The following AURKA variants were observed in gnomAD, a reference collection of about 807,000 sequenced individuals.
AURKA encodes aurora 2.
In AURKA, 12 loss-of-function variants were observed where a neutral mutation model predicts 40.9. The observed-to-expected ratio is 0.29, with a 90% confidence interval of 0.19 to 0.48. The LOEUF (loss-of-function observed/expected upper bound fraction) is 0.48. AURKA is among the 20% of genes least tolerant of loss of function. The pLI is 0.99. For synonymous variants in AURKA, 170 were observed against 164.3 expected (o/e 1.03, Z -0.26); for missense variants, 322 against 462.1 (o/e 0.70, Z 2.78).
rs747814875 is a variant in AURKA at position 56,384,308 on chromosome 20, C to A, written c.336G>T (p.Glu112Asp). ...CATTTTTCTGTTTTGATGCCAGTTC[C>A]TCCTCAGGATTATTTTCTATATGGA... ...LPSAPENNPE[E>D]ELASKQKNEE... The change falls in exon 4 of 9, where the codon GAG becomes GAT. Residue 112 changes from glutamate to aspartate, a missense_variant. Physicochemically the swap from Glu to Asp is conservative, Grantham distance 45. Coordinates refer to ENST00000395915, the MANE Select transcript of AURKA (RefSeq NM_198437.3). The A allele has an allele frequency of 7.7e-5, 123 of 1,601,398 alleles. No individual in the cohort carries two copies. Among genetic ancestry groups the A allele is most frequent in the Non-Finnish European group, 1.0e-4 (117 of 1,169,912 alleles).
Position 56,386,547 on chromosome 20 carries a change from G to C in AURKA, c.43-14C>G, listed in dbSNP as rs749535675. The C allele has an allele frequency of 6.2e-7, 1 of 1,614,012 alleles. No homozygotes were observed. Among genetic ancestry groups the C allele is most frequent in the Admixed American group, 1.7e-5 (1 of 59,994 alleles). On this transcript the variant is annotated splice_polypyrimidine_tract_variant and intron_variant, in intron 2 of 8. Transcript: ENST00000395915. ...TGGAGCTGTAGCCTAGAATGGAAGAGAAAATAAACTTTCTGGCATTCATGA... is the reference window on the plus strand; with the variant it reads ...TGGAGCTGTAGCCTAGAATGGAAGACAAAATAAACTTTCTGGCATTCATGA...
intron 3 of AURKA, 115 bp downstream of exon 3, chr20:56,386,142 T>A (rs1432757961): frequency 2.1e-6 from 3 of 1,440,180 alleles, no homozygotes; most frequent in African/African-American, 2.8e-5. Context: ...TTTCTCCCCA[T>A]CCTCAACAGA....
intron 6 of AURKA, among the ~76,000 whole-genome samples, chr20:56,378,745 A>G (rs1241828724): frequency 2.0e-5 from 3 of 148,228 alleles, no homozygotes; most frequent in African/African-American, 8.0e-5. Context: ...TACACAGATG[A>G]ATCTTCAATG....
intron 7 of AURKA, among the ~76,000 whole-genome samples, chr20:56,372,533 TAAA>T (rs10716404): frequency 0.016 from 1,894 of 121,624 alleles, 40 homozygotes; most frequent in African/African-American, 0.053. Context: ...ACAACCAGTT[TAAA>T]AAAAAAAAAA....
chr20:56,374,764 C>T (rs1381493642), intron 6 of AURKA, among the ~76,000 whole-genome samples: 1 of 152,112 alleles, frequency 6.6e-6, no homozygotes, highest in African/African-American at 2.4e-5. Context: ...AAAAGTTTTC[C>T]TGGCCAGGTG....
chr20:56,388,683 T>A (rs6024846), intron 1 of AURKA: 4 of 174,942 alleles, frequency 2.3e-5, no homozygotes, highest in Non-Finnish European at 4.9e-5. Flanking sequence ...GTGGTGGCAG[T>A]CACCTGTAAT....
chr20:56,388,152 T>A lies in AURKA; in HGVS notation c.42+4A>T, dbSNP rs368259787. Reference sequence around the variant, plus strand: ...TGAATGAGATTACAGATTATTCAATTTACCTTAACAGGTCCTGAAATGCAG... The same window carrying A: ...TGAATGAGATTACAGATTATTCAATATACCTTAACAGGTCCTGAAATGCAG... On this transcript the variant is annotated splice_donor_region_variant and intron_variant, in intron 2 of 8. Coordinates refer to ENST00000395915, the MANE Select transcript of AURKA (RefSeq NM_198437.3). 2 of 1,614,094 alleles carry A rather than the reference T, an allele frequency of 1.2e-6. No homozygotes were observed. Among genetic ancestry groups the A allele is most frequent in the Non-Finnish European group, 8.5e-7 (1 of 1,179,870 alleles).
Position 56,386,212 on chromosome 20 carries a change from G to A in AURKA, c.319+45C>T, listed in dbSNP as rs73913922. ...TATATACACTGGCTTTTTTAGCAAC[G>A]ACGACAAAGAAGGACTATCCAATGA... is the stretch of plus-strand genomic sequence containing the variant. On this transcript the variant is annotated intron_variant, in intron 3 of 8. Coordinates refer to ENST00000395915, the MANE Select transcript of AURKA (RefSeq NM_198437.3). 2,127 of 1,612,148 alleles carry A rather than the reference G, an allele frequency of 1.3e-3. 21 individuals carry two copies. In the African/African-American group the frequency reaches 0.02, roughly 15 times the overall value.
chr20:56,374,948 T>A (rs1984728708), intron 6 of AURKA, among the ~76,000 whole-genome samples: 1 of 152,018 alleles, frequency 6.6e-6, no homozygotes, highest in Non-Finnish European at 1.5e-5. Flanking sequence ...CTCGGGAGGC[T>A]GAGGCAGGAG....
rs1421761907 is a variant in AURKA at position 56,370,317 on chromosome 20, A to G, written c.1053T>C (p.Phe351=). Residue 351 remains phenylalanine, a synonymous_variant, in exon 9 of 9, where the codon TTT becomes TTC. Transcript: ENST00000395915. ...TGAGGTCCCTGGCTCCCTCTGTTAC[A>G]AAGTCAGGGAATGTGAATTCAACCT... ...ISRVEFTFPD[F]VTEGARDLIS... 1 of 1,614,202 alleles carries G rather than the reference A, an allele frequency of 6.2e-7. No individual in the cohort carries two copies. Among genetic ancestry groups the G allele is most frequent in the South Asian group, 1.1e-5 (1 of 91,088 alleles).
intron 3 of AURKA, among the ~76,000 whole-genome samples, chr20:56,385,162 A>C (rs564943708): frequency 1.3e-5 from 2 of 152,302 alleles, no homozygotes; most frequent in African/African-American, 4.8e-5. Context: ...GCACCTCTCC[A>C]TCCTGGCTTG....
At chr20:56,379,231 C>T (rs1355380912) in intron 6 of AURKA, among the ~76,000 whole-genome samples, 4 of 152,020 alleles carry the variant, frequency 2.6e-5, no homozygotes, top group Admixed American at 6.6e-5. Context: ...TTGGTTCCCA[C>T]GTGGCAGCTG....
chr20:56,381,487 T>C lies in AURKA; in HGVS notation c.651A>G (p.Thr217=). ...YLILEYAPLG[T]VYRELQKLSK... is the part of the protein sequence containing the mutation. ...AAAGTTTCTGAAGTTCTCTATAAAC[T>C]GTTCCAAGTGGTGCATATTCCAGAA... The change falls in exon 6 of 9, where the codon ACA becomes ACG. Residue 217 remains threonine, a synonymous_variant. Transcript: ENST00000395915. 1 of 1,613,914 alleles carries C rather than the reference T, an allele frequency of 6.2e-7. No individual in the cohort carries two copies. The highest frequency in any genetic ancestry group is 1.3e-5 in the African/African-American group (1 of 75,044).
Position 56,386,485 on chromosome 20 carries a change from A to T in AURKA, c.91T>A (p.Phe31Ile), listed in dbSNP as rs2273535. ...ACAGGTAATGGATTCTGACAAGGAA[A>T]TTGCTGAGTCACGAGAACACGTTTT... Reference protein sequence around the residue: ...GPKRVLVTQQFPCQNPLPVNS... With the variant: ...GPKRVLVTQQIPCQNPLPVNS... The change falls in exon 3 of 9, where the codon TTT becomes ATT. Residue 31 changes from phenylalanine to isoleucine, a missense_variant. Phe to Ile is a conservative substitution (Grantham distance 21, BLOSUM62 0). Coordinates refer to ENST00000395915, the MANE Select transcript of AURKA (RefSeq NM_198437.3). 0.24 allele frequency: 379,568 copies of T among 1,613,914 alleles called. 50,544 individuals carry two copies. Among genetic ancestry groups the T allele is most frequent in the East Asian group, 0.67 (29,860 of 44,866 alleles).
At chr20:56,386,746 C>G (rs1328914450) in intron 2 of AURKA, among the ~76,000 whole-genome samples, 1 of 152,134 alleles carries the variant, frequency 6.6e-6, no homozygotes. Flanking sequence ...CCCTCCAATT[C>G]CTCACCCCTA....
At chr20:56,371,611 G>GACCACAGAGACAATCCA (rs1037349618) in intron 7 of AURKA, among the ~76,000 whole-genome samples, 1 of 151,850 alleles carries the variant, frequency 6.6e-6, no homozygotes, top group South Asian at 2.1e-4. Flanking sequence ...TCTGGCTTTA[G>GACCACAGAGACAATCCA]ACCACAGAGA....
intron 4 of AURKA, among the ~76,000 whole-genome samples, chr20:56,383,423 ACTC>A (rs1208480493): frequency 3.3e-5 from 5 of 152,116 alleles, no homozygotes; most frequent in Non-Finnish European, 7.4e-5. Context: ...GACCTGAAGC[ACTC>A]TATGGGAAAT....
At chr20:56,376,793 T>G (rs986761120) in intron 6 of AURKA, among the ~76,000 whole-genome samples, 10 of 152,142 alleles carry the variant, frequency 6.6e-5, no homozygotes, top group Non-Finnish European at 1.3e-4. Context: ...AAATACAGCC[T>G]GGGAGGCCGG....
At chr20:56,391,739 C>T (rs1481847415) in intron 1 of AURKA, among the ~76,000 whole-genome samples, 1 of 152,150 alleles carries the variant, frequency 6.6e-6, no homozygotes, top group Non-Finnish European at 1.5e-5. Flanking sequence ...AACCGCACTC[C>T]TGCTTTTCCT....
Sources: allele counts gnomAD v4.1 joint callset (sites outside exome capture counted in the v4.1 genomes callset), GRCh38; gene constraint gnomAD v4.1.1; transcripts MANE v1.5; gene names NCBI Gene and HGNC (gene_info 2026-07-23, HGNC 2026-07-21).